Variants in ARFGEF3 observed in about 807,000 individuals in gnomAD.
The protein encoded by ARFGEF3 is ARFGEF family member 3.
A neutral mutation model predicts 221.7 loss-of-function variants in ARFGEF3; 96 were observed. The ratio of observed to expected loss-of-function variants is 0.43; its 90% CI spans 0.37 to 0.51. The LOEUF (loss-of-function observed/expected upper bound fraction) is 0.51, where lower values mean the gene tolerates loss of function less well. Ranked by LOEUF, ARFGEF3 falls within the 20% of genes least tolerant of loss-of-function variation. The pLI, the probability that ARFGEF3 is intolerant of heterozygous loss-of-function variation, is 0.00. For missense variants in ARFGEF3, 2,410 were observed against 2,789.9 expected, an observed-to-expected ratio of 0.86 and a Z score of 3.07; for synonymous variants, 1,145 against 1,126.8, an observed-to-expected ratio of 1.02 and a Z score of -0.32.
At chr6:138,322,718 C>T (rs968103610) in intron 29 of ARFGEF3, among the ~76,000 whole-genome samples, 1 of 151,236 alleles carries the variant, frequency 6.6e-6, no homozygotes, top group Non-Finnish European at 1.5e-5. Context: ...TTGCTTGAAC[C>T]CGGGAGGCAG....
At chr6:138,303,876 A>AAAT (rs1443093746) in intron 22 of ARFGEF3, among the ~76,000 whole-genome samples, 3 of 150,276 alleles carry the variant, frequency 2.0e-5, no homozygotes, top group Non-Finnish European at 4.4e-5. Context: ...AAAAAAAAAA[A>AAAT]AAAAAAAAAA....
At position 138,162,575 on chromosome 6, in the gene ARFGEF3, G is replaced by A. The variant is rs1353328192; in HGVS notation, c.85+404G>A. Among the ~76,000 whole-genome samples, 1 of 152,228 alleles carries A rather than the reference G, an allele frequency of 6.6e-6. No individual in the cohort carries two copies. Among genetic ancestry groups the A allele is most frequent in the African/African-American group, 2.4e-5 (1 of 41,462 alleles). On this transcript the variant is annotated intron_variant, in intron 1 of 33. Coordinates refer to ENST00000251691, the MANE Select transcript of ARFGEF3 (RefSeq NM_020340.5). The surrounding 1 kb of genome is among the most constrained non-coding windows in gnomAD (Gnocchi z 4.7). ...AACCCCGATGTCGAATCCTTGGCGA[G>A]TGGAACCAGGAAGGAAAGGCTTGTT...
intron 27 of ARFGEF3, 122 bp downstream of exon 27, chr6:138,317,501 G>A (rs901473168): frequency 2.3e-5 from 27 of 1,157,474 alleles, no homozygotes; most frequent in African/African-American, 1.4e-4. Context: ...AAGCTCACAC[G>A]TAAGAGGTGC....
At chr6:138,312,671 A>G (rs1217303348) in intron 25 of ARFGEF3, among the ~76,000 whole-genome samples, 1 of 152,150 alleles carries the variant, frequency 6.6e-6, no homozygotes, top group Non-Finnish European at 1.5e-5. Flanking sequence ...CTCAGAGCAC[A>G]GGGCTAAAGG....
chr6:138,216,985 C>A (rs1328364150), intron 4 of ARFGEF3: 1 of 152,226 alleles, frequency 6.6e-6, no homozygotes, highest in African/African-American at 2.4e-5. Flanking sequence ...ATAATTCTTA[C>A]TGAGTTTTCC....
chr6:138,330,855 A>G (rs1464914242), intron 32 of ARFGEF3, among the ~76,000 whole-genome samples: 1 of 152,040 alleles, frequency 6.6e-6, no homozygotes, highest in East Asian at 1.9e-4. Context: ...CTGTCACCCA[A>G]CTTCAGGAAT....
chr6:138,172,534 C>T (rs1776856290), intron 2 of ARFGEF3, among the ~76,000 whole-genome samples: 1 of 152,090 alleles, frequency 6.6e-6, no homozygotes, highest in Non-Finnish European at 1.5e-5. Flanking sequence ...ATTATAAGGA[C>T]CGGGAAACAT....
intron 4 of ARFGEF3, among the ~76,000 whole-genome samples, chr6:138,211,458 C>G (rs1777726048): frequency 6.6e-6 from 1 of 152,148 alleles, no homozygotes; most frequent in Non-Finnish European, 1.5e-5. Context: ...CAGAGTGACC[C>G]CTTCTAGCTT....
intron 22 of ARFGEF3, among the ~76,000 whole-genome samples, chr6:138,306,456 A>G (rs891707829): frequency 6.6e-6 from 1 of 152,186 alleles, no homozygotes; most frequent in Non-Finnish European, 1.5e-5. Context: ...GAGATCATCA[A>G]AGTGATTCTC....
At chr6:138,292,561 G>C (rs1410819953) in intron 19 of ARFGEF3, among the ~76,000 whole-genome samples, 1 of 152,188 alleles carries the variant, frequency 6.6e-6, no homozygotes, top group Non-Finnish European at 1.5e-5. Context: ...TCAACTGTTT[G>C]GTGGTACTTC....
intron 2 of ARFGEF3, among the ~76,000 whole-genome samples, chr6:138,197,910 A>AC (rs1388548902): frequency 5.3e-5 from 8 of 152,348 alleles, no homozygotes; most frequent in African/African-American, 1.9e-4. Context: ...AATGGAAAGT[A>AC]TAAAAAAAGA....
Position 138,341,032 on chromosome 6 carries a change from T to C in ARFGEF3, c.*4546T>C, listed in dbSNP as rs934464716. The C allele has an allele frequency of 2.6e-5, 4 of 152,308 alleles. No homozygotes were observed. Among genetic ancestry groups the C allele is most frequent in the African/African-American group, 9.6e-5 (4 of 41,476 alleles). The allele number at this position is 152,308 out of a possible 1,614,324, so 9.4% of individuals were successfully genotyped here. ...TCTTCAAGCAGACATTCAGTGTTACTTTAGAAAACTCACTGAATTAGGTGG... is the reference window on the plus strand; with the variant it reads ...TCTTCAAGCAGACATTCAGTGTTACCTTAGAAAACTCACTGAATTAGGTGG... On this transcript the variant is annotated 3_prime_UTR_variant, in exon 34 of 34. Transcript: ENST00000251691.
chr6:138,326,314 G>A (rs2114687753), intron 31 of ARFGEF3, among the ~76,000 whole-genome samples: 1 of 152,266 alleles, frequency 6.6e-6, no homozygotes, highest in South Asian at 2.1e-4. Flanking sequence ...CGGGCATGGT[G>A]GCTCATGCCT....
intron 2 of ARFGEF3, among the ~76,000 whole-genome samples, chr6:138,200,850 T>C (rs1385762411): frequency 2.0e-5 from 3 of 152,166 alleles, no homozygotes; most frequent in Non-Finnish European, 4.4e-5. Flanking sequence ...TAAAGAGCTT[T>C]TGCATGGCAA....
intron 2 of ARFGEF3, among the ~76,000 whole-genome samples, chr6:138,201,094 A>T (rs1257395044): frequency 6.6e-6 from 1 of 152,234 alleles, no homozygotes; most frequent in Non-Finnish European, 1.5e-5. Context: ...CTAATCAAGG[A>T]AATGCAAATC....
rs140349507 is a variant in ARFGEF3 at position 138,303,860 on chromosome 6, C to CAAAA, written c.3829-3368_3829-3365dup. ...CTGGAGACAGAGTGAGACTCCGTCTCAAAAAAAAAAAAAAAAAAAAAAAAA... is the reference window on the plus strand; with the variant it reads ...CTGGAGACAGAGTGAGACTCCGTCTCAAAAAAAAAAAAAAAAAAAAAAAAAAAAA... On this transcript the variant is annotated intron_variant, in intron 22 of 33. Coordinates refer to ENST00000251691, the MANE Select transcript of ARFGEF3 (RefSeq NM_020340.5). Among the ~76,000 whole-genome samples the CAAAA allele has an allele frequency of 6.0e-3, 124 of 20,596 alleles. 6 individuals carry two copies. Among genetic ancestry groups the CAAAA allele is most frequent in the East Asian group, 0.024 (10 of 410 alleles). 13.5% of individuals were successfully genotyped at this position (20,596 alleles called of 152,430 possible). A position where few individuals can be genotyped will look rare whatever the true frequency, so the allele number is the denominator to read the frequency against.
intron 2 of ARFGEF3, among the ~76,000 whole-genome samples, chr6:138,181,339 A>G (rs1339384567): frequency 1.3e-5 from 2 of 152,204 alleles, no homozygotes; most frequent in Admixed American, 6.5e-5. Flanking sequence ...TTTATGACCA[A>G]TAGTTGATGA....
chr6:138,241,033 C>T (rs186053680), intron 6 of ARFGEF3, among the ~76,000 whole-genome samples: 117 of 152,244 alleles, frequency 7.7e-4, no homozygotes, highest in Middle Eastern at 3.4e-3. Flanking sequence ...CACCCTCTTC[C>T]GAATGAGATG....
In ARFGEF3 at chr6:138,285,957, T is replaced by C. The variant is rs1562379479; in HGVS notation, c.2473T>C (p.Leu825=). The change falls in exon 15 of 34, where the codon TTA becomes CTA. Residue 825 remains leucine (L), a synonymous_variant. Coordinates refer to ENST00000251691, the MANE Select transcript of ARFGEF3 (RefSeq NM_020340.5). ...TTTTTCCTTGACAGATATTGACGGCTTAGAGAGCAGTGCCATTGGTGGCCA... is the reference window on the plus strand; with the variant it reads ...TTTTTCCTTGACAGATATTGACGGCCTAGAGAGCAGTGCCATTGGTGGCCA... ...LITMLTDIDG[L]ESSAIGGQLM... 6.2e-7 allele frequency: 1 copy of C among 1,610,188 alleles called. No individual in the cohort carries two copies. Among genetic ancestry groups the C allele is most frequent in the African/African-American group, 1.3e-5 (1 of 75,002 alleles).
Sources: gnomAD v4.1 joint callset for allele counts (sites outside exome capture counted in the v4.1 genomes callset) on GRCh38, gnomAD v4.1.1 for gene constraint, Gnocchi (gnomAD v3.1) non-coding constraint, MANE v1.5 for transcripts, NCBI Gene and HGNC (gene_info 2026-07-23, HGNC 2026-07-21) for gene names.